The following IFI27L2 variants were observed in gnomAD, a reference collection of about 807,000 sequenced individuals.
IFI27L2 encodes interferon alpha-inducible protein 27-like protein 2.
A neutral mutation model predicts 7.9 loss-of-function variants in IFI27L2; 8 were observed. That is an observed-to-expected ratio of 1.02 (90% confidence interval 0.60 to 1.84). IFI27L2 has a LOEUF of 1.84. Among genes scored for constraint, IFI27L2 ranks in the 40% most tolerant of loss-of-function variants. The pLI is 0.00. For missense variants in IFI27L2, 190 were observed against 165.8 expected, an observed-to-expected ratio of 1.15 and a Z score of -0.80; for synonymous variants, 56 against 66.5, an observed-to-expected ratio of 0.84 and a Z score of 0.77.
In IFI27L2 at chr14:94,127,926, C is replaced by G; in HGVS notation, c.266G>C (p.Cys89Ser). The G allele has an allele frequency of 6.2e-7, 1 of 1,613,956 alleles. No homozygotes were observed. Among genetic ancestry groups the G allele is most frequent in the Non-Finnish European group, 8.5e-7 (1 of 1,179,886 alleles). The stretch of plus-strand genomic sequence containing the variant: ...AGAAGAAGAAGGTGAATTCCCCAAG[C>G]AGGCCCCCAACACTGACCCAACAGA... ...LASVGSVLGA[C>S]LGNSPSSSLP... Residue 89 changes from cysteine (C) to serine (S), a missense_variant, in exon 4 of 4, where the codon TGC (cysteine) becomes TCC (serine). Coordinates refer to ENST00000238609, the MANE Select transcript of IFI27L2 (RefSeq NM_032036.3).
At chr14:94,128,727 T>C (rs946973271) in intron 2 of IFI27L2, 52 bp from the exon 3 acceptor site, 2 of 1,462,264 alleles carry the variant, frequency 1.4e-6, no homozygotes, top group Non-Finnish European at 1.9e-6. Flanking sequence ...GAAGGGACCC[T>C]TCCCCCCGCC....
rs1277490794 is a variant in IFI27L2 at position 94,128,658 on chromosome 14, C to T, written c.55G>A (p.Val19Met). 1 of 1,612,974 alleles carries T rather than the reference C, an allele frequency of 6.2e-7. No individual in the cohort carries two copies. The highest frequency in any genetic ancestry group is 2.2e-5 in the East Asian group (1 of 44,838). The part of the protein sequence containing the change: ...AVGGALAVGA[V>M]PVVLSAMGFT... Reference sequence around the variant, plus strand: ...CCCATGGCACTGAGCACCACGGGCACAGCCCCCACTGCCAGGGCTGTGGGG... The same window carrying T: ...CCCATGGCACTGAGCACCACGGGCATAGCCCCCACTGCCAGGGCTGTGGGG... Residue 19 changes from valine to methionine, a missense_variant, in exon 3 of 4, where the codon GTG (valine) becomes ATG (methionine). Physicochemically the swap from Val to Met is conservative, Grantham distance 21. Coordinates refer to ENST00000238609, the MANE Select transcript of IFI27L2 (RefSeq NM_032036.3).
intron 2 of IFI27L2, chr14:94,128,944 T>TC: frequency 1.7e-6 from 1 of 576,752 alleles, no homozygotes; most frequent in Admixed American, 3.0e-5. Flanking sequence ...TGGTCTCAAA[T>TC]TTGTGTGTGT....
chr14:94,129,365 G>T (rs1172461808), intron 1 of IFI27L2, 74 bp from the exon 2 acceptor site: 2 of 1,145,790 alleles, frequency 1.7e-6, no homozygotes, highest in African/African-American at 3.1e-5. Flanking sequence ...GGGCAGAAAG[G>T]GAGGGAGGGG....
At position 94,129,590 on chromosome 14, in the gene IFI27L2, G is replaced by T. The variant is rs1199980706; in HGVS notation, c.-26C>A. 1 of 1,613,120 alleles carries T rather than the reference G, an allele frequency of 6.2e-7. No homozygotes were observed. Among genetic ancestry groups the T allele is most frequent in the Non-Finnish European group, 8.5e-7 (1 of 1,179,274 alleles). Reference sequence around the variant, plus strand: ...GGTGAGGCCGTCCGGGTCCCAACTTGGCCCAGGAAATGACAGCGTTCTTGG... The same window carrying T: ...GGTGAGGCCGTCCGGGTCCCAACTTTGCCCAGGAAATGACAGCGTTCTTGG... On this transcript the variant is annotated 5_prime_UTR_variant, in exon 1 of 4. Coordinates refer to ENST00000238609, the MANE Select transcript of IFI27L2 (RefSeq NM_032036.3).
intron 3 of IFI27L2, chr14:94,128,281 C>T (rs1337924017): frequency 8.4e-6 from 5 of 596,828 alleles, no homozygotes; most frequent in Non-Finnish European, 1.2e-5. Context: ...AGAACCCAGG[C>T]ATTGCTCTTG....
chr14:94,128,443 G>C (rs1171603836), intron 3 of IFI27L2, 71 bp downstream of exon 3: 5 of 1,437,882 alleles, frequency 3.5e-6, no homozygotes, highest in Non-Finnish European at 4.9e-6. Context: ...AGGGTGAGAA[G>C]AGCTTCCCTC....
intron 1 of IFI27L2, 119 bp from the exon 2 acceptor site, chr14:94,129,410 G>C (rs1887644783): frequency 9.7e-7 from 1 of 1,033,540 alleles, no homozygotes; most frequent in Non-Finnish European, 1.5e-6. Context: ...GAAGGGAAGG[G>C]GAGGGAGGAA....
intron 1 of IFI27L2, 45 bp from the exon 2 acceptor site, chr14:94,129,336 G>A: frequency 6.6e-7 from 1 of 1,516,638 alleles, no homozygotes; most frequent in Non-Finnish European, 9.1e-7. Flanking sequence ...ATGGGAAAGG[G>A]GAGAAAGAGG....
At position 94,127,982 on chromosome 14, in the gene IFI27L2, T is replaced by C. The variant is rs759564859; in HGVS notation, c.210A>G (p.Gly70=). 1 of 1,611,498 alleles carries C rather than the reference T, an allele frequency of 6.2e-7. No homozygotes were observed. Among genetic ancestry groups the C allele is most frequent in the South Asian group, 1.1e-5 (1 of 90,960 alleles). The change falls in exon 4 of 4, where the codon GGA becomes GGG. Residue 70 remains glycine, a synonymous_variant. Coordinates refer to ENST00000238609, the MANE Select transcript of IFI27L2 (RefSeq NM_032036.3). ...GGAGGATGTTGGATGATGTGGAGAG[T>C]CCAGCTGCCCCTGTGGAGGAGACAG... is the stretch of plus-strand genomic sequence containing the variant. The part of the protein sequence containing the change: ...VATLQSVGAA[G]LSTSSNILLA...
Position 94,127,794 on chromosome 14 carries a change from G to A in IFI27L2, c.*5C>T. On this transcript the variant is annotated 3_prime_UTR_variant, in exon 4 of 4. Coordinates refer to ENST00000238609, the MANE Select transcript of IFI27L2 (RefSeq NM_032036.3). Reference sequence around the variant, plus strand: ...AAAACAGGGAGATGCATCTGCATGTGACCTTTATTCCTCATGTTTCTCTGA... The same window carrying A: ...AAAACAGGGAGATGCATCTGCATGTAACCTTTATTCCTCATGTTTCTCTGA... 6.2e-7 allele frequency: 1 copy of A among 1,610,398 alleles called. No individual in the cohort carries two copies. The highest frequency in any genetic ancestry group is 1.7e-5 in the Admixed American group (1 of 60,002).
chr14:94,129,347 A>G, intron 1 of IFI27L2, 56 bp from the exon 2 acceptor site: 1 of 990,064 alleles, frequency 1.0e-6, no homozygotes, highest in Non-Finnish European at 1.5e-6. Context: ...GAGAAAGAGG[A>G]GAGAGAAGGG....
At chr14:94,129,417 G>A in intron 1 of IFI27L2, 126 bp from the exon 2 acceptor site, 2 of 1,018,882 alleles carry the variant, frequency 2.0e-6, no homozygotes, top group Non-Finnish European at 3.1e-6. Context: ...AGGGGAGGGA[G>A]GAAGGGAGGG....
chr14:94,127,836 G>A lies in IFI27L2; in HGVS notation c.356C>T (p.Pro119Leu). The A allele has an allele frequency of 1.2e-6, 2 of 1,614,068 alleles. No homozygotes were observed. Among genetic ancestry groups the A allele is most frequent in the Non-Finnish European group, 1.7e-6 (2 of 1,179,948 alleles). ...TTTCTCTGACTTGAGTGGGGGTTTT[G>A]GAGGTTCACCTTGGGGTACATTTTC... ...ARENVPQGEP[P>L]KPPLKSEKHE... Residue 119 changes from proline to leucine, a missense_variant, in exon 4 of 4, where the codon CCA becomes CTA. Pro to Leu is a moderately conservative substitution (Grantham distance 98). Coordinates refer to ENST00000238609, the MANE Select transcript of IFI27L2 (RefSeq NM_032036.3).
At position 94,128,623 on chromosome 14, in the gene IFI27L2, C is replaced by A. The variant is rs142839233; in HGVS notation, c.90G>T (p.Gly30=). Residue 30 remains glycine, a synonymous_variant, in exon 3 of 4, where the codon GGG becomes GGT. Coordinates refer to ENST00000238609, the MANE Select transcript of IFI27L2 (RefSeq NM_032036.3). Reference sequence around the variant, plus strand: ...CTATGGAGGACGCGGCGATTCCTGCCCCAGTGAAGCCCATGGCACTGAGCA... The same window carrying A: ...CTATGGAGGACGCGGCGATTCCTGCACCAGTGAAGCCCATGGCACTGAGCA... ...PVVLSAMGFT[G]AGIAASSIAA... 35 of 1,613,890 alleles carry A rather than the reference C, an allele frequency of 2.2e-5. No homozygotes were observed. The highest frequency in any genetic ancestry group is 2.9e-5 in the Non-Finnish European group (34 of 1,179,950).
chr14:94,128,758 A>T, intron 2 of IFI27L2, 83 bp from the exon 3 acceptor site: 1 of 1,200,880 alleles, frequency 8.3e-7, no homozygotes, highest in Non-Finnish European at 1.2e-6. Flanking sequence ...GAATTCCTTG[A>T]CAGTTTCCGG....
At chr14:94,128,182 C>T (rs1419824761) in intron 3 of IFI27L2, among the ~76,000 whole-genome samples, 190 bp from the exon 4 acceptor site, 1 of 152,168 alleles carries the variant, frequency 6.6e-6, no homozygotes, top group Non-Finnish European at 1.5e-5. Context: ...CACAGACAGA[C>T]CCTAAGAGCT....
At chr14:94,129,413 G>A in intron 1 of IFI27L2, 122 bp from the exon 2 acceptor site, 1 of 1,012,020 alleles carries the variant, frequency 9.9e-7, no homozygotes. Context: ...GGGAAGGGGA[G>A]GGAGGAAGGG....
At position 94,128,500 on chromosome 14, in the gene IFI27L2, T is replaced by G; in HGVS notation, c.199+14A>C. The G allele has an allele frequency of 6.2e-7, 1 of 1,613,418 alleles. No individual in the cohort carries two copies. The highest frequency in any genetic ancestry group is 1.3e-5 in the African/African-American group (1 of 75,018). ...TCTTCTCGCAGCTCTGGTGGTCCTG[T>G]CTAGGACACTTACCCACGGACTGCA... On this transcript the variant is annotated intron_variant, in intron 3 of 3. Coordinates refer to ENST00000238609, the MANE Select transcript of IFI27L2 (RefSeq NM_032036.3).
Sources: gnomAD v4.1 joint callset for allele counts (sites outside exome capture counted in the v4.1 genomes callset) on GRCh38, gnomAD v4.1.1 for gene constraint, MANE v1.5 for transcripts, NCBI Gene and HGNC (gene_info 2026-07-23, HGNC 2026-07-21) for gene names.